The following PLB1 variants were observed in gnomAD, a reference collection of about 807,000 sequenced individuals.
The protein encoded by PLB1 is phospholipase B1, membrane-associated.
PLB1 carries 242 observed loss-of-function variants against 227.4 expected under a neutral mutation model. That is an observed-to-expected ratio of 1.06 (90% CI 0.96 to 1.18). The LOEUF is 1.18. PLB1 is among the 50% of genes most tolerant of loss of function. The pLI, the probability that PLB1 is intolerant of heterozygous loss-of-function variation, is 0.00. For synonymous variants in PLB1, 757 were observed against 682.2 expected (o/e 1.11, Z -1.71); for missense variants, 1,858 against 1,816.3 (o/e 1.02, Z -0.42).
intron 11 of PLB1, among the ~76,000 whole-genome samples, chr2:28,539,456 A>G (rs1018492635): frequency 1.3e-5 from 2 of 152,318 alleles, no homozygotes; most frequent in East Asian, 1.9e-4. Flanking sequence ...TCAGTGCCAG[A>G]GTGATTTCAG....
intron 3 of PLB1, among the ~76,000 whole-genome samples, chr2:28,518,829 A>G (rs1423446521): frequency 6.6e-6 from 1 of 152,182 alleles, no homozygotes; most frequent in Non-Finnish European, 1.5e-5. Flanking sequence ...AATGTAGTAC[A>G]ATGGCAGCTC....
intron 23 of PLB1, among the ~76,000 whole-genome samples, chr2:28,580,529 A>G (rs1191824310): frequency 9.9e-5 from 15 of 152,228 alleles, no homozygotes; most frequent in Non-Finnish European, 1.5e-5. Flanking sequence ...AGCCTGGCCA[A>G]CATGGTGAAA....
intron 34 of PLB1, 148 bp downstream of exon 34, chr2:28,598,196 GC>G: frequency 1.5e-6 from 1 of 666,952 alleles, no homozygotes; most frequent in Non-Finnish European, 2.6e-6. Context: ...TGAAAAAGCA[GC>G]CGAGGCAGGT....
In PLB1 at chr2:28,589,554, G is replaced by C; in HGVS notation, c.1920G>C (p.Ser640=). 1 of 1,613,940 alleles carries C rather than the reference G, an allele frequency of 6.2e-7. No individual in the cohort carries two copies. ...AAAACGTGGACATGCCAAAGACCTC[G>C]GTAAAGAAAGCAAGCATCGTAGAAA... is the stretch of plus-strand genomic sequence containing the variant. ...FFENVDMPKT[S]EGLPDNSFFA... is the part of the protein sequence containing the mutation. The change falls in exon 27 of 58, where the codon TCG becomes TCC. Residue 640 remains serine (S), a splice_region_variant and synonymous_variant. Transcript: ENST00000327757.
chr2:28,522,093 T>G (rs147658351), intron 4 of PLB1, among the ~76,000 whole-genome samples: 2,195 of 150,820 alleles, frequency 0.015, 19 homozygotes, highest in South Asian at 0.026. Context: ...TTTCTACCTC[T>G]CTGGAACTTG....
intron 9 of PLB1, among the ~76,000 whole-genome samples, chr2:28,534,399 C>T (rs1671401970): frequency 6.6e-6 from 1 of 152,024 alleles, no homozygotes; most frequent in African/African-American, 2.4e-5. Context: ...AGGATTGCAA[C>T]CAACATTGTA....
At position 28,498,459 on chromosome 2, in the gene PLB1, C is replaced by T. The variant is rs142012117; in HGVS notation, c.55+2290C>T. Among the ~76,000 whole-genome samples, 831 of 152,248 alleles carry T rather than the reference C, an allele frequency of 5.5e-3. 8 individuals are homozygous for T. The highest frequency in any genetic ancestry group is 0.019 in the African/African-American group (791 of 41,540). ...TATTTTTTGTAGAGAAGGAGTTTCA[C>T]CATGTTGCCCAGGCTAGTCTCGAAC... On this transcript the variant is annotated intron_variant, in intron 1 of 57. Transcript: ENST00000327757.
At chr2:28,532,231 G>C (rs374939829) in intron 9 of PLB1, 37 bp downstream of exon 9, 1 of 1,547,200 alleles carries the variant, frequency 6.5e-7, no homozygotes, top group Non-Finnish European at 8.9e-7. Context: ...GATTACAGAT[G>C]CTGGGGTGGA....
intron 14 of PLB1, among the ~76,000 whole-genome samples, chr2:28,544,314 G>A (rs1222162272): frequency 1.3e-5 from 2 of 152,240 alleles, no homozygotes; most frequent in Non-Finnish European, 2.9e-5. Context: ...CTCCCATGAT[G>A]GGCAGAGAAG....
chr2:28,617,928 C>CTT, intron 45 of PLB1, 141 bp downstream of exon 45: 2 of 831,936 alleles, frequency 2.4e-6, no homozygotes, highest in Non-Finnish European at 4.0e-6. Context: ...CTGCGGCCTG[C>CTT]CGCCACAGCT....
At chr2:28,628,436 C>T in intron 51 of PLB1, 127 bp from the exon 52 acceptor site, 1 of 758,424 alleles carries the variant, frequency 1.3e-6, no homozygotes, top group Non-Finnish European at 2.3e-6. Flanking sequence ...TCAGTTTGAC[C>T]AGGACCACCG....
At chr2:28,582,040 G>T (rs1406730628) in intron 23 of PLB1, 28 bp from the exon 24 acceptor site, 6 of 1,596,824 alleles carry the variant, frequency 3.8e-6, no homozygotes, top group Non-Finnish European at 5.2e-6. Flanking sequence ...GACAAATGGT[G>T]TTCAAGGGAC....
intron 14 of PLB1, among the ~76,000 whole-genome samples, chr2:28,544,365 C>A (rs1881253): frequency 6.6e-6 from 1 of 152,098 alleles, no homozygotes; most frequent in Non-Finnish European, 1.5e-5. Context: ...CTCCCAAGCC[C>A]TCTCTCAGGG....
intron 19 of PLB1, 80 bp downstream of exon 19, chr2:28,565,433 C>T (rs1022260423): frequency 3.5e-5 from 45 of 1,302,598 alleles, no homozygotes; most frequent in South Asian, 2.4e-4. Context: ...TAGAAAACAA[C>T]GCCTTAAGCA....
intron 56 of PLB1, among the ~76,000 whole-genome samples, chr2:28,634,485 C>T (rs58882685): frequency 1.3e-5 from 2 of 152,278 alleles, no homozygotes; most frequent in East Asian, 3.9e-4. Flanking sequence ...CAAGGTATGG[C>T]CTTCCTACCA....
chr2:28,591,788 C>T (rs199876628), intron 31 of PLB1, 28 bp downstream of exon 31: 368 of 1,610,036 alleles, frequency 2.3e-4, no homozygotes, highest in Middle Eastern at 8.3e-4. Context: ...CAGCAGGACC[C>T]AGGGCCCCTC....
intron 26 of PLB1, among the ~76,000 whole-genome samples, chr2:28,589,009 C>T (rs367765759): frequency 0.023 from 3,545 of 151,636 alleles, 151 homozygotes; most frequent in African/African-American, 0.082. Flanking sequence ...GCTAAAAATA[C>T]AAAAAATTAG....
At chr2:28,591,287 A>G in intron 30 of PLB1, 116 bp downstream of exon 30, 1 of 1,291,808 alleles carries the variant, frequency 7.7e-7, no homozygotes, top group Non-Finnish European at 1.1e-6. Context: ...GATGGGCATA[A>G]AGGCCACCCA....
intron 45 of PLB1, 60 bp from the exon 46 acceptor site, chr2:28,618,281 G>A: frequency 7.0e-7 from 1 of 1,429,172 alleles, no homozygotes; most frequent in South Asian, 1.2e-5. Context: ...GGTAAAATGT[G>A]TACTTTAAGA....
Sources: gnomAD v4.1 joint callset for allele counts (sites outside exome capture counted in the v4.1 genomes callset) on GRCh38, gnomAD v4.1.1 for gene constraint, MANE v1.5 for transcripts, NCBI Gene and HGNC (gene_info 2026-07-23, HGNC 2026-07-21) for gene names.